The following ZNF148 variants were observed in gnomAD, a reference collection of about 807,000 sequenced individuals.
ZNF148 encodes the protein Beta-Enolase Repressor Factor-1.
Under a neutral mutation model 67.7 loss-of-function variants are expected in ZNF148, and 7 were observed. The observed-to-expected ratio is 0.10, with a 90% CI of 0.06 to 0.19. The LOEUF (loss-of-function observed/expected upper bound fraction) is 0.19. ZNF148 is among the 10% of genes least tolerant of loss of function. The pLI is 1.00. For synonymous variants in ZNF148, 333 were observed against 330.7 expected, an observed-to-expected ratio of 1.01 and a Z score of -0.08; for missense variants, 583 against 947.1, an observed-to-expected ratio of 0.62 and a Z score of 5.05.
At chr3:125,342,729 G>C (rs1341897609) in intron 1 of ZNF148, among the ~76,000 whole-genome samples, 1 of 152,108 alleles carries the variant, frequency 6.6e-6, no homozygotes, top group African/African-American at 2.4e-5. Context: ...GGAAATATAG[G>C]TATAAACAAG....
At chr3:125,346,385 C>A (rs1360995110) in intron 1 of ZNF148, among the ~76,000 whole-genome samples, 1 of 152,160 alleles carries the variant, frequency 6.6e-6, no homozygotes, top group Non-Finnish European at 1.5e-5. Flanking sequence ...ATAAGTGCTT[C>A]CCCCTAAGAT....
intron 2 of ZNF148, among the ~76,000 whole-genome samples, chr3:125,329,106 A>G (rs1941156955): frequency 6.6e-6 from 1 of 150,932 alleles, no homozygotes; most frequent in Non-Finnish European, 1.5e-5. Context: ...TCGATGTTAT[A>G]ACATTCTCTA....
chr3:125,317,850 C>T (rs555500985), intron 3 of ZNF148, among the ~76,000 whole-genome samples: 20 of 151,518 alleles, frequency 1.3e-4, no homozygotes, highest in African/African-American at 3.9e-4. Context: ...TTTAATGTTA[C>T]GGCAAGCTAA....
intron 1 of ZNF148, among the ~76,000 whole-genome samples, chr3:125,353,623 CT>C (rs1167971594): frequency 1.3e-5 from 2 of 151,774 alleles, no homozygotes; most frequent in African/African-American, 4.8e-5. Context: ...AGGTTTTTTC[CT>C]TTTTTTATAT....
chr3:125,338,986 G>A (rs944056042), intron 1 of ZNF148: 1 of 152,112 alleles, frequency 6.6e-6, no homozygotes, highest in Non-Finnish European at 1.5e-5. Flanking sequence ...ACTGAGATTT[G>A]CCATAAGAAT....
chr3:125,365,458 T>C (rs754143683), intron 1 of ZNF148, among the ~76,000 whole-genome samples: 4 of 152,218 alleles, frequency 2.6e-5, no homozygotes, highest in Non-Finnish European at 5.9e-5. Flanking sequence ...TCTAATGTAC[T>C]GCACTAAACT....
At chr3:125,254,545 G>A (rs1422935604) in intron 7 of ZNF148, among the ~76,000 whole-genome samples, 2 of 152,076 alleles carry the variant, frequency 1.3e-5, no homozygotes, top group African/African-American at 2.4e-5. Flanking sequence ...ACAGACACAC[G>A]TTTAAAATTT....
At chr3:125,250,825 C>T (rs1473054426) in intron 7 of ZNF148, among the ~76,000 whole-genome samples, 1 of 150,726 alleles carries the variant, frequency 6.6e-6, no homozygotes, top group Admixed American at 6.7e-5. Flanking sequence ...TATTTCCTTT[C>T]TCCTGCTCCT....
intron 4 of ZNF148, among the ~76,000 whole-genome samples, chr3:125,297,538 G>C (rs1382053358): frequency 6.6e-6 from 1 of 150,502 alleles, no homozygotes; most frequent in East Asian, 1.9e-4. Context: ...AGTGGATAAA[G>C]AACTACTACA....
At chr3:125,331,556 T>A (rs923817413) in intron 1 of ZNF148, among the ~76,000 whole-genome samples, 5 of 152,134 alleles carry the variant, frequency 3.3e-5, no homozygotes. Flanking sequence ...TATCATAACA[T>A]AGGAAGGAAA....
chr3:125,276,502 C>T (rs1938079853), intron 7 of ZNF148, among the ~76,000 whole-genome samples: 2 of 151,992 alleles, frequency 1.3e-5, no homozygotes, highest in South Asian at 2.1e-4. Flanking sequence ...GGCGCGATCT[C>T]GACTCACCGC....
chr3:125,331,563 G>A (rs1018858497), intron 1 of ZNF148, among the ~76,000 whole-genome samples: 9 of 152,086 alleles, frequency 5.9e-5, no homozygotes, highest in Admixed American at 3.9e-4. Context: ...ACATAGGAAG[G>A]AAAGCACAAA....
intron 1 of ZNF148, among the ~76,000 whole-genome samples, chr3:125,335,803 T>G (rs571340585): frequency 6.6e-6 from 1 of 152,362 alleles, no homozygotes; most frequent in Non-Finnish European, 1.5e-5. Flanking sequence ...GATACAGTAT[T>G]TTCAAAGTAT....
At chr3:125,309,088 T>G (rs180921092) in intron 4 of ZNF148, among the ~76,000 whole-genome samples, 2 of 152,114 alleles carry the variant, frequency 1.3e-5, no homozygotes, top group African/African-American at 4.8e-5. Context: ...TGTGGAGGAA[T>G]TGACTGGGAA....
At chr3:125,341,988 C>CT (rs1337207227) in intron 1 of ZNF148, among the ~76,000 whole-genome samples, 1 of 67,724 alleles carries the variant, frequency 1.5e-5, no homozygotes, top group African/African-American at 8.0e-5. Context: ...GAGCCACACT[C>CT]TGTTTCGGGG....
At chr3:125,307,683 C>T (rs1260677935) in intron 4 of ZNF148, among the ~76,000 whole-genome samples, 2 of 152,122 alleles carry the variant, frequency 1.3e-5, no homozygotes, top group Non-Finnish European at 2.9e-5. Flanking sequence ...CTCACTCTGT[C>T]ACCCAGGCTG....
At chr3:125,242,415 G>C (rs544096334) in intron 7 of ZNF148, among the ~76,000 whole-genome samples, 10 of 152,314 alleles carry the variant, frequency 6.6e-5, no homozygotes, top group African/African-American at 2.4e-4. Flanking sequence ...GAGGTCAGGA[G>C]TTTGAGACCA....
chr3:125,264,320 G>C (rs898460721), intron 7 of ZNF148, among the ~76,000 whole-genome samples: 5 of 152,196 alleles, frequency 3.3e-5, no homozygotes, highest in African/African-American at 9.7e-5. Flanking sequence ...GTGGGACTGA[G>C]CCCTTAACTT....
intron 1 of ZNF148, among the ~76,000 whole-genome samples, chr3:125,341,985 A>T (rs1579852025): frequency 1.2e-5 from 1 of 80,980 alleles, no homozygotes. Flanking sequence ...ACAGAGCCAC[A>T]CTCTGTTTCG....
Sources: gnomAD v4.1 joint callset for allele counts (sites outside exome capture counted in the v4.1 genomes callset) on GRCh38, gnomAD v4.1.1 for gene constraint, MANE v1.5 for transcripts, NCBI Gene and HGNC (gene_info 2026-07-23, HGNC 2026-07-21) for gene names.